PRIMPOL: variants seen among roughly 807,000 people sequenced by gnomAD.
PRIMPOL encodes the protein primase and DNA directed polymerase.
In PRIMPOL, 54 loss-of-function variants were observed where a neutral mutation model predicts 63.6. That is an observed-to-expected ratio of 0.85 (90% confidence interval 0.68 to 1.07). The LOEUF (loss-of-function observed/expected upper bound fraction) is 1.07. PRIMPOL is among the 50% of genes least tolerant of loss of function. The pLI is 0.00. For synonymous variants in PRIMPOL, 197 were observed against 220.2 expected (o/e 0.89, Z 0.93); for missense variants, 610 against 648.3 (o/e 0.94, Z 0.64).
At chr4:184,660,666 T>C (rs1748080211) in intron 4 of PRIMPOL, among the ~76,000 whole-genome samples, 1 of 152,212 alleles carries the variant, frequency 6.6e-6, no homozygotes, top group South Asian at 2.1e-4. Flanking sequence ...ATTAAGACAA[T>C]GTGACAGATG....
chr4:184,691,553 AT>A lies in PRIMPOL; in HGVS notation c.1351del (p.Cys451ValfsTer73), dbSNP rs768199890. 1 of 1,608,812 alleles carries A rather than the reference AT, an allele frequency of 6.2e-7. No homozygotes were observed. Among genetic ancestry groups the A allele is most frequent in the East Asian group, 2.2e-5 (1 of 44,780 alleles). ...VWYQKCHDPV[C>X]KAENFKSDCF... ...GGTATCAAAAATGTCATGACCCTGTATGTAAAGCAGAAAACTTCAAATCTGA... is the reference window on the plus strand; with the variant it reads ...GGTATCAAAAATGTCATGACCCTGTAGTAAAGCAGAAAACTTCAAATCTGA... On this transcript the variant is annotated frameshift_variant, in exon 12 of 14. Coordinates refer to ENST00000314970, the MANE Select transcript of PRIMPOL (RefSeq NM_152683.4). LOFTEE classifies it high-confidence loss of function.
At position 184,659,325 on chromosome 4, in the gene PRIMPOL, T is replaced by A; in HGVS notation, c.181-15T>A. The A allele has an allele frequency of 1.2e-6, 2 of 1,600,056 alleles. No homozygotes were observed. Among genetic ancestry groups the A allele is most frequent in the Non-Finnish European group, 1.7e-6 (2 of 1,168,028 alleles). ...TTTTGTGAATTTTTCTGAATTCTTT[T>A]TTGATTTTATGCAGGACGTTCATGT... On this transcript the variant is annotated splice_polypyrimidine_tract_variant and intron_variant, in intron 3 of 13. Transcript: ENST00000314970.
intron 6 of PRIMPOL, among the ~76,000 whole-genome samples, chr4:184,671,260 A>G (rs1751527875): frequency 6.6e-6 from 1 of 152,190 alleles, no homozygotes; most frequent in South Asian, 2.1e-4. Flanking sequence ...AGGCAGAGGT[A>G]GGAGCAGCAG....
chr4:184,671,886 G>A (rs1553995429), intron 6 of PRIMPOL, among the ~76,000 whole-genome samples: 2 of 148,286 alleles, frequency 1.3e-5, no homozygotes, highest in Non-Finnish European at 3.0e-5. Flanking sequence ...GGGATTACAG[G>A]CGCACCACCA....
chr4:184,667,594 G>A, intron 6 of PRIMPOL, among the ~76,000 whole-genome samples: 1 of 152,172 alleles, frequency 6.6e-6, no homozygotes, highest in Non-Finnish European at 1.5e-5. Context: ...ACAGGCGTGA[G>A]CCACCGTGCC....
rs187175353 is a variant in PRIMPOL at position 184,672,031 on chromosome 4, T to C, written c.557-142T>C. ...CTGGGATTACAGGCGTGAGCCACTGTGCCCGGCAGCAACCCAGTTTTGAAA... is the reference window on the plus strand; with the variant it reads ...CTGGGATTACAGGCGTGAGCCACTGCGCCCGGCAGCAACCCAGTTTTGAAA... On this transcript the variant is annotated intron_variant, in intron 6 of 13. Coordinates refer to ENST00000314970, the MANE Select transcript of PRIMPOL (RefSeq NM_152683.4). 1.5e-3 allele frequency: 1,167 copies of C among 774,386 alleles called. 6 individuals are homozygous for C. The highest frequency in any genetic ancestry group is 9.0e-3 in the African/African-American group (521 of 57,730). 48.0% of individuals were successfully genotyped at this position (774,386 alleles called of 1,614,324 possible). A position where few individuals can be genotyped will look rare whatever the true frequency, so the allele number is the denominator to read the frequency against.
chr4:184,673,805 T>C lies in PRIMPOL; in HGVS notation c.844+1345T>C, dbSNP rs781213459. Among the ~76,000 whole-genome samples the C allele has an allele frequency of 2.6e-5, 4 of 152,152 alleles. 1 individual carries two copies. Among genetic ancestry groups the C allele is most frequent in the Admixed American group, 1.3e-4 (2 of 15,276 alleles). On this transcript the variant is annotated intron_variant, in intron 7 of 13. Coordinates refer to ENST00000314970, the MANE Select transcript of PRIMPOL (RefSeq NM_152683.4). ...GTTGAGGGAAAGTAGGTTTAAATTATAGGTCAGATTCCCAGGCCAACAGTG... is the reference window on the plus strand; with the variant it reads ...GTTGAGGGAAAGTAGGTTTAAATTACAGGTCAGATTCCCAGGCCAACAGTG...
rs112044256 is a variant in PRIMPOL, at chr4:184,651,299, G to A, written c.-137-724G>A. 3.3e-3 allele frequency among the ~76,000 whole-genome samples: 474 copies of A among 144,998 alleles called. 22 individuals carry two copies. The highest frequency in any genetic ancestry group is 0.013 in the African/African-American group (453 of 35,670). ...GAGCAAGACTCTGTCTCAAAAAAAA[G>A]AAAAAAAAGGGGTTAAGTAGTTTGC... On this transcript the variant is annotated intron_variant, in intron 1 of 13. Transcript: ENST00000314970.
chr4:184,666,907 T>C (rs1208389831), intron 6 of PRIMPOL, among the ~76,000 whole-genome samples: 1 of 152,196 alleles, frequency 6.6e-6, no homozygotes, highest in Non-Finnish European at 1.5e-5. Flanking sequence ...AAACACATAG[T>C]TAGAATGGGA....
chr4:184,677,835 C>A (rs1401330762), intron 7 of PRIMPOL, among the ~76,000 whole-genome samples: 1 of 152,196 alleles, frequency 6.6e-6, no homozygotes, highest in Non-Finnish European at 1.5e-5. Context: ...GTATAATGTA[C>A]TGAATAGAAA....
chr4:184,669,502 G>T (rs72689260), intron 6 of PRIMPOL, among the ~76,000 whole-genome samples: 19,870 of 152,244 alleles, frequency 0.13, 1,393 homozygotes, highest in Middle Eastern at 0.17. Flanking sequence ...TGCTTGCCGT[G>T]TACTGGTCAT....
intron 5 of PRIMPOL, among the ~76,000 whole-genome samples, chr4:184,664,619 AG>A (rs1749311387): frequency 1.3e-5 from 2 of 152,194 alleles, no homozygotes; most frequent in Admixed American, 6.5e-5. Context: ...TGCCTGTTAG[AG>A]GATCACTTAG....
At chr4:184,679,845 T>A (rs1049489972) in intron 8 of PRIMPOL, among the ~76,000 whole-genome samples, 1 of 152,140 alleles carries the variant, frequency 6.6e-6, no homozygotes, top group Non-Finnish European at 1.5e-5. Context: ...TGCCTGATGA[T>A]CTGAGGTGGA....
intron 7 of PRIMPOL, 52 bp from the exon 8 acceptor site, chr4:184,678,180 A>C: frequency 8.2e-7 from 1 of 1,222,490 alleles, no homozygotes; most frequent in African/African-American, 1.5e-5. Context: ...CTGACTATGA[A>C]ACTAATAACA....
At position 184,655,999 on chromosome 4, in the gene PRIMPOL, G is replaced by A. The variant is rs188787052; in HGVS notation, c.-59-1083G>A. Among the ~76,000 whole-genome samples, 1,206 of 152,210 alleles carry A rather than the reference G, an allele frequency of 7.9e-3. 8 individuals carry two copies. The highest frequency in any genetic ancestry group is 0.012 in the Non-Finnish European group (789 of 68,008). On this transcript the variant is annotated intron_variant, in intron 2 of 13. Transcript: ENST00000314970. ...TGTGGGTTGGCTGGGCAGTTTGATA[G>A]GTCTCTCTGGGACTCAGGCTTACTA...
At position 184,666,017 on chromosome 4, in the gene PRIMPOL, T is replaced by A; in HGVS notation, c.509T>A (p.Leu170Ter). Residue 170 changes from leucine to a stop codon, truncating the protein, a stop_gained, in exon 6 of 14, where the codon TTA (leucine) becomes TAA (stop). Transcript: ENST00000314970. LOFTEE classifies it high-confidence loss of function. ...ACTGATGAAAAATTCAGCCGGCATT[T>A]AATATTTCAGCTCCATGATGTGGCA... The part of the protein sequence containing the change: ...SSTDEKFSRH[L>*]IFQLHDVAFK... 6.2e-7 allele frequency: 1 copy of A among 1,610,352 alleles called. No homozygotes were observed. The highest frequency in any genetic ancestry group is 8.5e-7 in the Non-Finnish European group (1 of 1,177,576).
intron 9 of PRIMPOL, among the ~76,000 whole-genome samples, chr4:184,684,196 G>A (rs901726794): frequency 1.3e-5 from 2 of 152,032 alleles, no homozygotes; most frequent in African/African-American, 4.8e-5. Context: ...GGTGGCTCAC[G>A]CCTGTAATCC....
At chr4:184,665,883 A>G (rs1023412803) in intron 5 of PRIMPOL, 34 bp from the exon 6 acceptor site, 7 of 1,437,486 alleles carry the variant, frequency 4.9e-6, no homozygotes, top group Admixed American at 2.3e-5. Context: ...AAAACAAAAA[A>G]TATAAATTAT....
intron 5 of PRIMPOL, among the ~76,000 whole-genome samples, chr4:184,665,343 C>G (rs1295682186): frequency 1.3e-5 from 2 of 152,194 alleles, no homozygotes; most frequent in South Asian, 4.1e-4. Flanking sequence ...TGACCTGTCT[C>G]TGACTCCAGC....
Sources: allele counts gnomAD v4.1 joint callset (sites outside exome capture counted in the v4.1 genomes callset), GRCh38; gene constraint gnomAD v4.1.1; transcripts MANE v1.5; gene names NCBI Gene and HGNC (gene_info 2026-07-23, HGNC 2026-07-21).